NT5DC3: variants seen among roughly 807,000 people sequenced by gnomAD.
The protein encoded by NT5DC3 is 5'-nucleotidase domain containing 3.
NT5DC3 carries 42 observed loss-of-function variants against 67.8 expected under a neutral mutation model. The observed-to-expected ratio is 0.62, with a 90% CI of 0.48 to 0.80. The LOEUF is 0.80. Ranked by LOEUF, NT5DC3 falls within the 30% of genes least tolerant of loss-of-function variation. NT5DC3 has a pLI of 0.00. For missense variants in NT5DC3, 570 were observed against 696.4 expected, an observed-to-expected ratio of 0.82 and a Z score of 2.04; for synonymous variants, 237 against 255.6, an observed-to-expected ratio of 0.93 and a Z score of 0.69.
At position 103,785,334 on chromosome 12, in the gene NT5DC3, C is replaced by A. The variant is rs1243778504; in HGVS notation, c.1329+1G>T. ...GAGAGAGAAAAATAATATATCCAAA[C>A]CTGCATCTGTTCCAATAAGCCAGTC... On this transcript the variant is annotated splice_donor_variant, in intron 12 of 13. Coordinates refer to ENST00000392876, the MANE Select transcript of NT5DC3 (RefSeq NM_001031701.3). LOFTEE classifies it high-confidence loss of function. 6.2e-7 allele frequency: 1 copy of A among 1,613,908 alleles called. No homozygotes were observed. Among genetic ancestry groups the A allele is most frequent in the Non-Finnish European group, 8.5e-7 (1 of 1,179,868 alleles).
intron 1 of NT5DC3, among the ~76,000 whole-genome samples, chr12:103,835,023 T>C (rs561887067): frequency 5.3e-5 from 8 of 152,282 alleles, no homozygotes; most frequent in African/African-American, 1.9e-4. Context: ...CCTGAGCCCC[T>C]GGGCCTCGCT....
intron 13 of NT5DC3, among the ~76,000 whole-genome samples, 170 bp from the exon 14 acceptor site, chr12:103,778,251 C>G (rs1815452840): frequency 6.6e-6 from 1 of 152,058 alleles, no homozygotes. Context: ...CAGCCTAGAG[C>G]CAGGTGTGGT....
intron 6 of NT5DC3, among the ~76,000 whole-genome samples, chr12:103,794,238 C>A (rs894800870): frequency 2.6e-5 from 4 of 152,146 alleles, no homozygotes; most frequent in Middle Eastern, 3.4e-3. Flanking sequence ...CAGCCTCTGC[C>A]TCCTGGGTTC....
At chr12:103,787,670 G>T in intron 10 of NT5DC3, 143 bp from the exon 11 acceptor site, 1 of 492,684 alleles carries the variant, frequency 2.0e-6, no homozygotes, top group Non-Finnish European at 3.6e-6. Flanking sequence ...CACCTTCATG[G>T]GAAATCTTTC....
At chr12:103,823,072 T>G (rs1422740232) in intron 1 of NT5DC3, among the ~76,000 whole-genome samples, 1 of 152,158 alleles carries the variant, frequency 6.6e-6, no homozygotes, top group Non-Finnish European at 1.5e-5. Context: ...CCAGAGACAC[T>G]AAGATGGCAT....
chr12:103,807,041 T>A, intron 2 of NT5DC3, 112 bp from the exon 3 acceptor site: 1 of 674,158 alleles, frequency 1.5e-6, no homozygotes, highest in Non-Finnish European at 2.7e-6. Flanking sequence ...AGTGGGAGGT[T>A]GGGGTCAGAA....
the NT5DC3 span, chr12:103,746,573 T>C: frequency 1.2e-6 from 2 of 1,609,880 alleles, no homozygotes; most frequent in South Asian, 1.1e-5. Flanking sequence ...GGGTACAGAA[T>C]GAAAGTGGCC....
chr12:103,816,238 T>C (rs1887245874), intron 1 of NT5DC3, among the ~76,000 whole-genome samples: 1 of 152,212 alleles, frequency 6.6e-6, no homozygotes, highest in Admixed American at 6.5e-5. Flanking sequence ...ATCTGCATTA[T>C]ACCTACCAAT....
chr12:103,832,307 T>C (rs762695367), intron 1 of NT5DC3, among the ~76,000 whole-genome samples: 9 of 151,980 alleles, frequency 5.9e-5, no homozygotes, highest in Non-Finnish European at 1.0e-4. Flanking sequence ...AAAAGATTGG[T>C]TTCCAAACCC....
At chr12:103,793,043 T>C (rs896255932) in intron 9 of NT5DC3, 121 bp downstream of exon 9, 2 of 754,212 alleles carry the variant, frequency 2.7e-6, no homozygotes, top group African/African-American at 3.5e-5. Flanking sequence ...AGGGTTAAAA[T>C]TCAAAAGCTA....
At chr12:103,762,324 G>C in the NT5DC3 span, 1 of 1,614,220 alleles carries the variant, frequency 6.2e-7, no homozygotes, top group South Asian at 1.1e-5. Flanking sequence ...CCATCATCCT[G>C]GTGACTGGGG....
chr12:103,794,773 A>G (rs552863198), intron 6 of NT5DC3, among the ~76,000 whole-genome samples: 121 of 152,378 alleles, frequency 7.9e-4, no homozygotes, highest in African/African-American at 2.8e-3. Flanking sequence ...TGGTACCACC[A>G]GCAGGGCAAC....
intron 1 of NT5DC3, among the ~76,000 whole-genome samples, chr12:103,831,921 C>T (rs1031444142): frequency 3.3e-5 from 5 of 151,864 alleles, no homozygotes; most frequent in Admixed American, 6.6e-5. Context: ...GGATTACAGG[C>T]TCATGCCACC....
At chr12:103,791,760 T>C (rs1021418646) in intron 9 of NT5DC3, among the ~76,000 whole-genome samples, 5 of 152,190 alleles carry the variant, frequency 3.3e-5, no homozygotes, top group African/African-American at 1.2e-4. Flanking sequence ...CTCCAACTCC[T>C]GGCAAATCAG....
chr12:103,809,796 T>C (rs1411625231), intron 2 of NT5DC3, among the ~76,000 whole-genome samples: 1 of 152,064 alleles, frequency 6.6e-6, no homozygotes, highest in Non-Finnish European at 1.5e-5. Context: ...AGCCAAACCA[T>C]ATCAATGATC....
intron 1 of NT5DC3, among the ~76,000 whole-genome samples, chr12:103,830,210 C>T (rs2139467194): frequency 6.6e-6 from 1 of 152,334 alleles, no homozygotes; most frequent in East Asian, 1.9e-4. Context: ...GACACACAGA[C>T]ATCATTTGCC....
intron 1 of NT5DC3, among the ~76,000 whole-genome samples, chr12:103,834,571 A>C (rs930585907): frequency 6.6e-6 from 1 of 152,258 alleles, no homozygotes; most frequent in Non-Finnish European, 1.5e-5. Flanking sequence ...ATAATGTATC[A>C]GTATTGGTTC....
downstream of NT5DC3, among the ~76,000 whole-genome samples, chr12:103,767,854 G>A (rs902401603): frequency 1.3e-5 from 2 of 151,356 alleles, no homozygotes; most frequent in East Asian, 3.9e-4. Flanking sequence ...AGGCTGAGAT[G>A]GACGGATCAC....
downstream of NT5DC3, among the ~76,000 whole-genome samples, chr12:103,765,557 G>A (rs1884881385): frequency 6.6e-6 from 1 of 152,148 alleles, no homozygotes; most frequent in South Asian, 2.1e-4. Context: ...GCTTGGCATG[G>A]CCACCTCTAG....
Sources: gnomAD v4.1 joint callset for allele counts (sites outside exome capture counted in the v4.1 genomes callset) on GRCh38, gnomAD v4.1.1 for gene constraint, MANE v1.5 for transcripts, NCBI Gene and HGNC (gene_info 2026-07-23, HGNC 2026-07-21) for gene names.